Variants in RASA1 observed in about 807,000 individuals in gnomAD.
RASA1 encodes the protein RAS p21 protein activator 1.
RASA1 carries 25 observed loss-of-function variants against 132.2 expected under a neutral mutation model. The observed-to-expected ratio is 0.19, with a 90% CI of 0.14 to 0.26. The LOEUF is 0.26. RASA1 is among the 10% of genes least tolerant of loss of function. The probability of loss-of-function intolerance (pLI) is 1.00; values close to 1 mark genes in which losing one functional copy is unlikely to be tolerated. For missense variants in RASA1, 964 were observed against 1,299.2 expected, an observed-to-expected ratio of 0.74 and a Z score of 3.97; for synonymous variants, 477 against 449.9, an observed-to-expected ratio of 1.06 and a Z score of -0.76.
intron 1 of RASA1, among the ~76,000 whole-genome samples, chr5:87,302,343 CCT>C (rs1024114894): frequency 1.3e-5 from 2 of 151,802 alleles, no homozygotes; most frequent in South Asian, 2.1e-4. Flanking sequence ...ATTTCTATAA[CCT>C]CTTTCATGAA....
chr5:87,381,135 C>G (rs1444016873), intron 20 of RASA1, among the ~76,000 whole-genome samples: 3 of 152,158 alleles, frequency 2.0e-5, no homozygotes, highest in Non-Finnish European at 1.5e-5. Flanking sequence ...ATAGGAAGAA[C>G]TGCTTTGGCA....
At chr5:87,367,271 A>C (rs538708934) in intron 11 of RASA1, among the ~76,000 whole-genome samples, 1 of 152,330 alleles carries the variant, frequency 6.6e-6, no homozygotes, top group South Asian at 2.1e-4. Context: ...ATAGGATGCA[A>C]ATACCAGAGG....
chr5:87,338,536 A>ATTTTT lies in RASA1; in HGVS notation c.1017+455_1017+459dup, dbSNP rs1232583853. ...ATATATATATATATATATATATAAA[A>ATTTTT]TTTTTTTTTTTTTTAAGTAGAAATG... is the stretch of plus-strand genomic sequence containing the variant. On this transcript the variant is annotated intron_variant, in intron 5 of 24. Transcript: ENST00000274376. Among the ~76,000 whole-genome samples, 79 of 85,214 alleles carry ATTTTT rather than the reference A, an allele frequency of 9.3e-4. 2 individuals carry two copies. Among genetic ancestry groups the ATTTTT allele is most frequent in the Admixed American group, 1.7e-3 (13 of 7,720 alleles). 55.9% of individuals were successfully genotyped at this position (85,214 alleles called of 152,430 possible).
At chr5:87,273,000 GTAT>G (rs1753914097) in intron 1 of RASA1, among the ~76,000 whole-genome samples, 1 of 152,156 alleles carries the variant, frequency 6.6e-6, no homozygotes. Flanking sequence ...GGATAGCATG[GTAT>G]TAAGGGGGTT....
At chr5:87,311,645 A>G (rs1391630379) in intron 1 of RASA1, among the ~76,000 whole-genome samples, 1 of 152,202 alleles carries the variant, frequency 6.6e-6, no homozygotes, top group Admixed American at 6.5e-5. Context: ...GCAGTATGTG[A>G]CAACACGTGT....
rs1761154424 is a variant in RASA1, at chr5:87,374,216, T to C, written c.1830T>C (p.His610=). The C allele has an allele frequency of 6.3e-7, 1 of 1,589,768 alleles. No individual in the cohort carries two copies. Among genetic ancestry groups the C allele is most frequent in the African/African-American group, 1.3e-5 (1 of 74,326 alleles). ...AAGCCCATAAACTCCCAGTAAAACA[T>C]TTTACTAATCCATATTGTAACATCT... ...IEEAHKLPVK[H]FTNPYCNIYL... The change falls in exon 14 of 25, where the codon CAT becomes CAC. Residue 610 remains histidine, a synonymous_variant. Transcript: ENST00000274376.
chr5:87,306,295 G>C (rs192921053), intron 1 of RASA1, among the ~76,000 whole-genome samples: 3 of 152,296 alleles, frequency 2.0e-5, no homozygotes, highest in African/African-American at 7.2e-5. Context: ...CCATTAAAAA[G>C]AACAAGATTA....
chr5:87,278,523 G>A (rs1754167159), intron 1 of RASA1, among the ~76,000 whole-genome samples: 1 of 152,018 alleles, frequency 6.6e-6, no homozygotes, highest in African/African-American at 2.4e-5. Context: ...TCCAGCCTGG[G>A]CGACAGAGCG....
At chr5:87,364,002 C>T (rs1369376975) in intron 11 of RASA1, among the ~76,000 whole-genome samples, 1 of 152,078 alleles carries the variant, frequency 6.6e-6, no homozygotes, top group Non-Finnish European at 1.5e-5. Flanking sequence ...AATGTATAAG[C>T]TGAATCCTAA....
intron 20 of RASA1, among the ~76,000 whole-genome samples, chr5:87,381,869 T>C (rs1309215216): frequency 1.3e-5 from 2 of 152,212 alleles, no homozygotes; most frequent in African/African-American, 4.8e-5. Context: ...TTCAGGCTCA[T>C]AGACCTACTA....
chr5:87,326,800 AATTT>A (rs142230511), intron 1 of RASA1, among the ~76,000 whole-genome samples: 1,796 of 152,260 alleles, frequency 0.012, 28 homozygotes, highest in African/African-American at 0.041. Flanking sequence ...AGCCCCAATT[AATTT>A]GAATGCTCTA....
chr5:87,369,667 T>A (rs1760785950), intron 11 of RASA1, 146 bp from the exon 12 acceptor site: 2 of 585,258 alleles, frequency 3.4e-6, no homozygotes, highest in South Asian at 5.0e-5. Context: ...GACTTTTTTT[T>A]AGTAATGATC....
At chr5:87,271,109 G>A (rs1319044335) in intron 1 of RASA1, among the ~76,000 whole-genome samples, 1 of 152,016 alleles carries the variant, frequency 6.6e-6, no homozygotes, top group African/African-American at 2.4e-5. Context: ...GTGGTGGCGG[G>A]TGCCTGTAAT....
intron 5 of RASA1, among the ~76,000 whole-genome samples, chr5:87,339,098 T>C (rs7700766): frequency 0.012 from 1,816 of 152,304 alleles, 28 homozygotes; most frequent in African/African-American, 0.041. Context: ...CCTTCAAAGC[T>C]ACTGTTTTTA....
intron 12 of RASA1, 97 bp from the exon 13 acceptor site, chr5:87,372,021 G>GA: frequency 1.0e-6 from 1 of 971,970 alleles, no homozygotes; most frequent in Non-Finnish European, 1.5e-6. Flanking sequence ...TCTAGAGAAG[G>GA]AAAAAATTGT....
intron 1 of RASA1, among the ~76,000 whole-genome samples, chr5:87,330,376 T>C (rs1580277492): frequency 1.3e-5 from 2 of 152,256 alleles, no homozygotes; most frequent in East Asian, 3.9e-4. Context: ...TTGGTAAAGC[T>C]GAAGTACTAT....
intron 20 of RASA1, among the ~76,000 whole-genome samples, chr5:87,382,225 A>C (rs542979419): frequency 5.7e-4 from 87 of 152,320 alleles, no homozygotes; most frequent in African/African-American, 1.7e-3. Context: ...GTGTTGGATT[A>C]CAGGCATGAG....
At chr5:87,373,489 T>G (rs1761099341) in intron 13 of RASA1, among the ~76,000 whole-genome samples, 1 of 152,126 alleles carries the variant, frequency 6.6e-6, no homozygotes, top group South Asian at 2.1e-4. Flanking sequence ...ATAACTAGTT[T>G]GTAATACTTA....
chr5:87,379,591 C>A, intron 18 of RASA1, 144 bp from the exon 19 acceptor site: 1 of 1,150,836 alleles, frequency 8.7e-7, no homozygotes. Flanking sequence ...CTTAAAAACT[C>A]CCATTATACA....
Sources: allele counts gnomAD v4.1 joint callset (sites outside exome capture counted in the v4.1 genomes callset), GRCh38; gene constraint gnomAD v4.1.1; transcripts MANE v1.5; gene names NCBI Gene and HGNC (gene_info 2026-07-23, HGNC 2026-07-21).